Variants in DGKB observed in about 807,000 individuals in gnomAD.
The protein encoded by DGKB is diacylglycerol kinase beta, also known as 90 kDa diacylglycerol kinase.
In DGKB, 67 loss-of-function variants were observed where a neutral mutation model predicts 114.3. The observed-to-expected ratio is 0.59, with a 90% CI of 0.48 to 0.72. The LOEUF is 0.72. Ranked by LOEUF, DGKB falls within the 30% of genes least tolerant of loss-of-function variation. The pLI is 0.00. For synonymous variants in DGKB, 398 were observed against 323.1 expected (o/e 1.23, Z -2.49); for missense variants, 907 against 975.2 (o/e 0.93, Z 0.93).
chr7:14,747,362 G>GTT (rs566082859), intron 4 of DGKB, among the ~76,000 whole-genome samples: 38 of 147,514 alleles, frequency 2.6e-4, no homozygotes, highest in East Asian at 8.0e-4. Context: ...CTGGCTAATA[G>GTT]TTTTTTTTTT....
chr7:14,839,746 T>C (rs1847664780), intron 2 of DGKB, among the ~76,000 whole-genome samples: 1 of 152,164 alleles, frequency 6.6e-6, no homozygotes. Context: ...GTGAGAACCA[T>C]AAGTTATGTC....
chr7:14,639,092 T>C (rs1811271889), intron 13 of DGKB, among the ~76,000 whole-genome samples: 1 of 151,952 alleles, frequency 6.6e-6, no homozygotes, highest in Non-Finnish European at 1.5e-5. Context: ...GAAGTGAGCA[T>C]TTCGATCTAG....
chr7:14,841,919 T>C (rs1267837579), intron 1 of DGKB, among the ~76,000 whole-genome samples: 1 of 152,228 alleles, frequency 6.6e-6, no homozygotes, highest in African/African-American at 2.4e-5. Flanking sequence ...GTTTTATGAT[T>C]TAAAAAAATT....
chr7:14,372,599 A>G (rs1817839490), intron 21 of DGKB, among the ~76,000 whole-genome samples: 1 of 152,002 alleles, frequency 6.6e-6, no homozygotes, highest in South Asian at 2.1e-4. Context: ...TGATATCTTT[A>G]TCATTATGAG....
At chr7:14,177,246 T>C (rs963115622) in intron 24 of DGKB, among the ~76,000 whole-genome samples, 7 of 151,996 alleles carry the variant, frequency 4.6e-5, no homozygotes, top group African/African-American at 1.5e-4. Flanking sequence ...GGGAGAAAGG[T>C]GTTTCTCCCA....
At chr7:14,627,953 A>AC (rs1554555743) in intron 14 of DGKB, among the ~76,000 whole-genome samples, 2,859 of 37,050 alleles carry the variant, frequency 0.077, 35 homozygotes, top group Non-Finnish European at 0.14. Context: ...AAAAAAACAA[A>AC]AAAAAAAAAC....
chr7:14,893,978 C>T (rs1279680206), intron 1 of DGKB, among the ~76,000 whole-genome samples: 2 of 151,058 alleles, frequency 1.3e-5, no homozygotes, highest in African/African-American at 4.8e-5. Flanking sequence ...ACCTACTACT[C>T]TGATGTATGG....
At chr7:14,695,490 C>CTTTTTTT (rs1823663284) in intron 8 of DGKB, among the ~76,000 whole-genome samples, 1 of 81,692 alleles carries the variant, frequency 1.2e-5, no homozygotes. Context: ...CTCTCTCTCT[C>CTTTTTTT]TCTCTTTTTT....
At chr7:14,285,096 C>A (rs1800663574) in intron 23 of DGKB, among the ~76,000 whole-genome samples, 2 of 152,108 alleles carry the variant, frequency 1.3e-5, no homozygotes, top group African/African-American at 2.4e-5. Flanking sequence ...GATATTTTCT[C>A]ACTCTGCATC....
At chr7:14,933,763 CTTTTA>C (rs1260272830) in intron 1 of DGKB, among the ~76,000 whole-genome samples, 1 of 152,088 alleles carries the variant, frequency 6.6e-6, no homozygotes, top group Non-Finnish European at 1.5e-5. Context: ...TCGTTTGTCT[CTTTTA>C]TGTTTTGCTG....
intron 23 of DGKB, among the ~76,000 whole-genome samples, chr7:14,271,201 T>C (rs1798223668): frequency 6.6e-6 from 1 of 152,220 alleles, no homozygotes; most frequent in Non-Finnish European, 1.5e-5. Context: ...TTAAGTTCAC[T>C]TTCCCTTGTA....
intron 20 of DGKB, among the ~76,000 whole-genome samples, chr7:14,530,109 A>C (rs1331135325): frequency 1.3e-5 from 2 of 151,662 alleles, no homozygotes; most frequent in Non-Finnish European, 3.0e-5. Context: ...TTACATCAAA[A>C]TGTCAATAAT....
intron 5 of DGKB, among the ~76,000 whole-genome samples, chr7:14,725,172 GAA>G (rs2128369755): frequency 6.6e-6 from 1 of 152,008 alleles, no homozygotes; most frequent in South Asian, 2.1e-4. Flanking sequence ...TCTGTCTCTT[GAA>G]AACAAAAAAC....
At chr7:14,877,447 C>A (rs1853476312) in intron 1 of DGKB, among the ~76,000 whole-genome samples, 1 of 152,100 alleles carries the variant, frequency 6.6e-6, no homozygotes, top group African/African-American at 2.4e-5. Flanking sequence ...CCCAGCTACC[C>A]AGGAAGCTGA....
In DGKB at chr7:14,149,249, A is replaced by T; in HGVS notation, c.2305-11T>A. 2.6e-6 allele frequency: 3 copies of T among 1,148,254 alleles called. No homozygotes were observed. Among genetic ancestry groups the T allele is most frequent in the Non-Finnish European group, 3.6e-6 (3 of 837,064 alleles). 71.1% of individuals were successfully genotyped at this position (1,148,254 alleles called of 1,614,324 possible). On this transcript the variant is annotated splice_polypyrimidine_tract_variant and intron_variant, in intron 25 of 25. Transcript: ENST00000402815. ...GTGTGTAATTTTTATCTAGAAAAAA[A>T]GAGAGAGAGAGAGAGAGAAAGAATA...
At chr7:14,809,736 T>C (rs973054727) in intron 2 of DGKB, among the ~76,000 whole-genome samples, 8 of 152,156 alleles carry the variant, frequency 5.3e-5, no homozygotes, top group African/African-American at 1.9e-4. Flanking sequence ...GGTGTAGCAG[T>C]GGCTTAGACC....
At chr7:14,162,478 C>T (rs867383053) in intron 25 of DGKB, among the ~76,000 whole-genome samples, 4 of 152,122 alleles carry the variant, frequency 2.6e-5, no homozygotes, top group African/African-American at 9.7e-5. Context: ...TAAGGTATTA[C>T]ATATCTGGCA....
In DGKB at chr7:14,869,391, GTTTTC is replaced by G. The variant is rs1268529433; in HGVS notation, c.-187-27946_-187-27942del. ...TTCTTGTATATTTTAAAGCTTAAAG[GTTTTC>G]TTTTATTTTTTCCTGACACATTGTA... is the stretch of plus-strand genomic sequence containing the variant. On this transcript the variant is annotated intron_variant, in intron 1 of 25. Transcript: ENST00000402815. Among the ~76,000 whole-genome samples the G allele has an allele frequency of 2.0e-5, 3 of 152,004 alleles. No individual in the cohort carries two copies. The East Asian group carries it at 5.8e-4, about 29-fold the overall frequency.
intron 5 of DGKB, among the ~76,000 whole-genome samples, chr7:14,723,224 T>C (rs116705415): frequency 0.011 from 1,636 of 152,200 alleles, 32 homozygotes; most frequent in African/African-American, 0.038. Context: ...ACAGCTGAGA[T>C]GGTAAAATGA....
Sources: gnomAD v4.1 joint callset for allele counts (sites outside exome capture counted in the v4.1 genomes callset) on GRCh38, gnomAD v4.1.1 for gene constraint, MANE v1.5 for transcripts, NCBI Gene and HGNC (gene_info 2026-07-23, HGNC 2026-07-21) for gene names.